Variants in CHIC1 observed in about 807,000 individuals in gnomAD.
The protein encoded by CHIC1 is cysteine-rich hydrophobic domain-containing protein 1.
In CHIC1, 7 loss-of-function variants were observed where a neutral mutation model predicts 18.5. The ratio of observed to expected loss-of-function variants is 0.38; its 90% CI spans 0.22 to 0.71. CHIC1 has a LOEUF of 0.71. CHIC1 is among the 30% of genes least tolerant of loss of function. CHIC1 has a pLI of 0.49. For missense variants in CHIC1, 159 were observed against 176.9 expected (o/e 0.90, Z 0.57); for synonymous variants, 77 against 73.5 (o/e 1.05, Z -0.25).
intron 3 of CHIC1, among the ~76,000 whole-genome samples, chrX:73,618,099 G>A (rs1464106644): frequency 1.8e-5 from 2 of 111,540 alleles, no homozygotes; most frequent in African/African-American, 6.5e-5. Flanking sequence ...CTGGTACTGG[G>A]AGGTGTCTGC....
Position 73,644,895 on chromosome X carries a change from G to A in CHIC1, c.508-34431G>A, listed in dbSNP as rs779478874. ...TCATCCCTTTCTTTGACTAGGAACG[G>A]GTACTCCCTGACCCCTTGCACTTCC... is the stretch of plus-strand genomic sequence containing the variant. On this transcript the variant is annotated intron_variant, in intron 3 of 5. Coordinates refer to ENST00000373502, the MANE Select transcript of CHIC1 (RefSeq NM_001039840.4). Among the ~76,000 whole-genome samples, 4 of 111,950 alleles carry A rather than the reference G, an allele frequency of 3.6e-5. No individual in the cohort carries two copies. In the South Asian group the frequency reaches 1.5e-3, roughly 42 times the overall value.
chrX:73,603,346 A>T (rs1056873922), intron 3 of CHIC1, among the ~76,000 whole-genome samples: 2 of 108,233 alleles, frequency 1.8e-5, no homozygotes, highest in Non-Finnish European at 3.8e-5. Context: ...TTGCACATTG[A>T]TTTCGTATCC....
chrX:73,629,697 A>G (rs7877376), intron 3 of CHIC1, among the ~76,000 whole-genome samples: 5,340 of 111,685 alleles, frequency 0.048, 326 homozygotes, highest in African/African-American at 0.16. Context: ...CTATAGCTTG[A>G]AAGTATAGTT....
At chrX:73,641,670 C>T (rs2057857095) in intron 3 of CHIC1, among the ~76,000 whole-genome samples, 1 of 108,105 alleles carries the variant, frequency 9.3e-6, no homozygotes, top group Non-Finnish European at 1.9e-5. Flanking sequence ...CTTCCCCCCT[C>T]CCCCCACACC....
chrX:73,666,028 A>G (rs1415066894), intron 3 of CHIC1, among the ~76,000 whole-genome samples: 1 of 111,926 alleles, frequency 8.9e-6, no homozygotes, highest in African/African-American at 3.2e-5. Context: ...ACCTATCTAG[A>G]TCAATTCCTT....
At chrX:73,622,016 T>C (rs1252213855) in intron 3 of CHIC1, among the ~76,000 whole-genome samples, 1 of 112,333 alleles carries the variant, frequency 8.9e-6, no homozygotes, top group East Asian at 2.8e-4. Context: ...TTGCATATGC[T>C]GAACCAGCCT....
chrX:73,590,040 CTT>C (rs1453981311), intron 3 of CHIC1, among the ~76,000 whole-genome samples: 1 of 111,105 alleles, frequency 9.0e-6, no homozygotes, highest in Non-Finnish European at 1.9e-5. Flanking sequence ...AGATTTCCCT[CTT>C]TGTTTTTTAC....
intron 3 of CHIC1, among the ~76,000 whole-genome samples, chrX:73,663,676 C>G (rs901153180): frequency 4.5e-5 from 5 of 110,673 alleles, no homozygotes; most frequent in African/African-American, 1.6e-4. Context: ...ATTTTTATTT[C>G]CAAGTTTTAA....
chrX:73,577,086 A>T (rs2057502805), intron 1 of CHIC1, among the ~76,000 whole-genome samples: 1 of 110,573 alleles, frequency 9.0e-6, no homozygotes, highest in African/African-American at 3.3e-5. Context: ...GTAGGTTTTA[A>T]CGGAAACATC....
intron 3 of CHIC1, among the ~76,000 whole-genome samples, chrX:73,626,437 C>CT (rs888100347): frequency 9.0e-6 from 1 of 110,949 alleles, no homozygotes; most frequent in Admixed American, 9.6e-5. Flanking sequence ...TTAGATTTGC[C>CT]TTTTTGATAC....
At chrX:73,578,994 C>G (rs768045251) in intron 2 of CHIC1, among the ~76,000 whole-genome samples, 6 of 110,601 alleles carry the variant, frequency 5.4e-5, no homozygotes, top group Admixed American at 2.9e-4. Context: ...GGCGTAATCA[C>G]AATCTTCCCC....
intron 3 of CHIC1, among the ~76,000 whole-genome samples, chrX:73,626,852 C>T (rs2057785647): frequency 9.0e-6 from 1 of 110,614 alleles, no homozygotes; most frequent in Non-Finnish European, 1.9e-5. Context: ...GCTGTTGATG[C>T]TAGTAGATAT....
In CHIC1 at chrX:73,681,711, G is replaced by A. The variant is rs1033990884; in HGVS notation, c.*706G>A. 1.8e-5 allele frequency: 2 copies of A among 112,534 alleles called. No individual in the cohort carries two copies. Among genetic ancestry groups the A allele is most frequent in the African/African-American group, 6.4e-5 (2 of 31,043 alleles). 9.3% of individuals were successfully genotyped at this position (112,534 alleles called of 1,213,427 possible). On this transcript the variant is annotated 3_prime_UTR_variant, in exon 6 of 6. Coordinates refer to ENST00000373502, the MANE Select transcript of CHIC1 (RefSeq NM_001039840.4). ...CTTTGAATGTAGAAACTGCTAACAT[G>A]CTGTTTTATGGCAAGGCCATAATGA...
chrX:73,597,471 A>G (rs1408687186), intron 3 of CHIC1, among the ~76,000 whole-genome samples: 2 of 109,292 alleles, frequency 1.8e-5, no homozygotes, highest in Admixed American at 1.0e-4. Context: ...GATGCACAAA[A>G]TTGTTGATTT....
chrX:73,598,795 T>C (rs780307706), intron 3 of CHIC1, among the ~76,000 whole-genome samples: 1 of 110,825 alleles, frequency 9.0e-6, no homozygotes, highest in Admixed American at 9.6e-5. Context: ...TAAACATACA[T>C]GTGCATGTGT....
rs183110187 is a variant in CHIC1 at position 73,655,607 on chromosome X, A to C, written c.508-23719A>C. The stretch of plus-strand genomic sequence containing the variant: ...TACATATATATACAATATTGTGTAT[A>C]TATAGTGTGTGTATATATATATATA... On this transcript the variant is annotated intron_variant, in intron 3 of 5. Transcript: ENST00000373502. 1.1e-3 allele frequency among the ~76,000 whole-genome samples: 89 copies of C among 82,688 alleles called. 2 individuals are homozygous for C. In the East Asian group the frequency reaches 0.032, roughly 29 times the overall value. The allele number at this position is 82,688 out of a possible 115,157, so 71.8% of individuals were successfully genotyped here. A position where few individuals can be genotyped will look rare whatever the true frequency, so the allele number is the denominator to read the frequency against.
chrX:73,643,562 C>A (rs1490350510), intron 3 of CHIC1, among the ~76,000 whole-genome samples: 1 of 111,621 alleles, frequency 9.0e-6, no homozygotes, highest in South Asian at 3.8e-4. Context: ...AGGCTTTGTT[C>A]GTTTCTTTTT....
chrX:73,672,655 C>T (rs1414917407), intron 3 of CHIC1, among the ~76,000 whole-genome samples: 1 of 112,208 alleles, frequency 8.9e-6, no homozygotes, highest in Non-Finnish European at 1.9e-5. Context: ...AATGTAGATT[C>T]TGGATATTAG....
intron 3 of CHIC1, among the ~76,000 whole-genome samples, chrX:73,616,771 G>T (rs909630139): frequency 1.8e-5 from 2 of 111,630 alleles, no homozygotes; most frequent in African/African-American, 3.3e-5. Context: ...AGGATGGAGA[G>T]CACCAAGTCC....
Sources: gnomAD v4.1 joint callset for allele counts (sites outside exome capture counted in the v4.1 genomes callset) on GRCh38, gnomAD v4.1.1 for gene constraint, MANE v1.5 for transcripts, NCBI Gene and HGNC (gene_info 2026-07-23, HGNC 2026-07-21) for gene names.